Variants in CNBD1 observed in about 807,000 individuals in gnomAD.
CNBD1 encodes the protein cyclic nucleotide-binding domain-containing protein 1.
A neutral mutation model predicts 54.4 loss-of-function variants in CNBD1; 71 were observed. That is an observed-to-expected ratio of 1.30 (90% CI 1.08 to 1.59). The LOEUF (loss-of-function observed/expected upper bound fraction) is 1.59. Among genes scored for constraint, CNBD1 ranks in the 40% most tolerant of loss-of-function variants. The pLI, the probability that CNBD1 is intolerant of heterozygous loss-of-function variation, is 0.00. For missense variants in CNBD1, 659 were observed against 518.0 expected, an observed-to-expected ratio of 1.27 and a Z score of -2.64; for synonymous variants, 182 against 170.7, an observed-to-expected ratio of 1.07 and a Z score of -0.51.
At chr8:87,304,030 C>G (rs1431411818) in intron 8 of CNBD1, among the ~76,000 whole-genome samples, 2 of 152,098 alleles carry the variant, frequency 1.3e-5, no homozygotes, top group Non-Finnish European at 2.9e-5. Context: ...CACTTTTACA[C>G]ATTGGTGGGA....
Position 86,878,105 on chromosome 8 carries a change from T to TGTGTGTGTGTGAGA in CNBD1, c.89-9436_89-9435insTGTGTGTGTGAGAG, listed in dbSNP as rs56785226. Among the ~76,000 whole-genome samples, 1,280 of 140,888 alleles carry TGTGTGTGTGTGAGA rather than the reference T, an allele frequency of 9.1e-3. 8 individuals are homozygous for TGTGTGTGTGTGAGA. The highest frequency in any genetic ancestry group is 0.015 in the Non-Finnish European group (968 of 64,368). The allele number at this position is 140,888 out of a possible 152,430, so 92.4% of individuals were successfully genotyped here. On this transcript the variant is annotated intron_variant, in intron 1 of 10. Transcript: ENST00000518476. ...CTGTGTGTGTGTGTGTGTGTGTGTG[T>TGTGTGTGTGTGAGA]GAGAGAGAGAGAGAGAGAGAGAGAG...
chr8:87,387,824 C>T (rs563052452), downstream of CNBD1, among the ~76,000 whole-genome samples: 10 of 152,320 alleles, frequency 6.6e-5, no homozygotes, highest in Non-Finnish European at 1.2e-4. Context: ...CACCACACCA[C>T]ACCTATTCCA....
chr8:87,100,611 G>T (rs1004509153), intron 4 of CNBD1, among the ~76,000 whole-genome samples: 9 of 152,006 alleles, frequency 5.9e-5, no homozygotes, highest in Middle Eastern at 3.2e-3. Context: ...GAGTAGCTGG[G>T]GTTACAGGCA....
At chr8:87,383,241 T>C (rs1811119055), downstream of CNBD1, among the ~76,000 whole-genome samples, 2 of 152,086 alleles carry the variant, frequency 1.3e-5, no homozygotes, top group African/African-American at 4.8e-5. Flanking sequence ...ATAGAAATGC[T>C]ACAATTTCAG....
chr8:87,168,024 A>G (rs1813001448), intron 4 of CNBD1, among the ~76,000 whole-genome samples: 1 of 152,060 alleles, frequency 6.6e-6, no homozygotes, highest in Non-Finnish European at 1.5e-5. Flanking sequence ...GTATCTAAAC[A>G]TAGAAAAGAT....
intron 4 of CNBD1, among the ~76,000 whole-genome samples, chr8:87,093,640 A>C (rs1811261567): frequency 6.6e-6 from 1 of 152,164 alleles, no homozygotes; most frequent in Non-Finnish European, 1.5e-5. Context: ...ACTATTGCCT[A>C]GTCAAGTTGA....
intron 2 of CNBD1, among the ~76,000 whole-genome samples, chr8:87,406,475 CACA>C (rs1319365837): frequency 7.5e-5 from 8 of 106,546 alleles, no homozygotes; most frequent in African/African-American, 2.2e-4. Flanking sequence ...CACACACACA[CACA>C]CTTTTTTTTT....
intron 4 of CNBD1, among the ~76,000 whole-genome samples, chr8:87,067,704 A>G (rs2130647892): frequency 6.6e-6 from 1 of 152,102 alleles, no homozygotes; most frequent in Middle Eastern, 3.4e-3. Flanking sequence ...AAAATGACTG[A>G]ACAATGGCCA....
At chr8:87,272,043 A>C (rs9886463) in intron 6 of CNBD1, among the ~76,000 whole-genome samples, 42,732 of 151,858 alleles carry the variant, frequency 0.28, 6,455 homozygotes, top group African/African-American at 0.39. Flanking sequence ...GAAAGAGTGA[A>C]TCTCATAAAG....
chr8:86,889,176 A>G (rs910497169), intron 2 of CNBD1, among the ~76,000 whole-genome samples: 1 of 152,192 alleles, frequency 6.6e-6, no homozygotes, highest in Non-Finnish European at 1.5e-5. Flanking sequence ...GTATGTGTAT[A>G]TAGGTTTTGC....
intron 4 of CNBD1, among the ~76,000 whole-genome samples, chr8:87,193,017 G>T (rs576084313): frequency 1.3e-5 from 2 of 152,254 alleles, no homozygotes; most frequent in South Asian, 4.1e-4. Flanking sequence ...AATCTTATAT[G>T]TAGGAAGGAT....
chr8:87,293,484 A>G (rs190344554), intron 8 of CNBD1, among the ~76,000 whole-genome samples: 3 of 152,292 alleles, frequency 2.0e-5, no homozygotes, highest in Admixed American at 2.0e-4. Flanking sequence ...CTGAGGTTGC[A>G]GTGAGCCGAG....
intron 2 of CNBD1, among the ~76,000 whole-genome samples, chr8:86,890,215 C>G (rs1808747851): frequency 6.6e-6 from 1 of 152,036 alleles, no homozygotes; most frequent in African/African-American, 2.4e-5. Context: ...TTAATTGAAT[C>G]TTTATACCCT....
chr8:87,028,341 G>T (rs1205376188), intron 4 of CNBD1, among the ~76,000 whole-genome samples: 2 of 152,120 alleles, frequency 1.3e-5, no homozygotes, highest in Non-Finnish European at 2.9e-5. Flanking sequence ...GCCAAAATTG[G>T]GCAAGCAGCT....
At chr8:87,055,946 C>CCTTT (rs1810409334) in intron 4 of CNBD1, among the ~76,000 whole-genome samples, 1 of 128,460 alleles carries the variant, frequency 7.8e-6, no homozygotes, top group African/African-American at 2.9e-5. Flanking sequence ...TTCCTTCCTT[C>CCTTT]CAAAAACTTC....
intron 2 of CNBD1, among the ~76,000 whole-genome samples, chr8:86,888,148 C>A (rs890065895): frequency 6.6e-6 from 1 of 152,126 alleles, no homozygotes; most frequent in Non-Finnish European, 1.5e-5. Flanking sequence ...ACCCTCTTAC[C>A]TTCCTTCACT....
chr8:87,368,584 C>T (rs1448905187), intron 10 of CNBD1, among the ~76,000 whole-genome samples: 1 of 151,714 alleles, frequency 6.6e-6, no homozygotes, highest in South Asian at 2.1e-4. Context: ...CTGCAGTGAG[C>T]TATGATCAAG....
chr8:87,139,160 C>T (rs991689958), intron 4 of CNBD1, among the ~76,000 whole-genome samples: 16 of 152,070 alleles, frequency 1.1e-4, no homozygotes, highest in South Asian at 4.1e-4. Context: ...TTTCTTAGTT[C>T]TTTATTTTCA....
chr8:87,157,148 GATA>G (rs1347876422), intron 4 of CNBD1, among the ~76,000 whole-genome samples: 1 of 152,126 alleles, frequency 6.6e-6, no homozygotes, highest in East Asian at 1.9e-4. Context: ...CAAAAAACAA[GATA>G]ATATTGTAGT....
Sources: allele counts gnomAD v4.1 joint callset (sites outside exome capture counted in the v4.1 genomes callset), GRCh38; gene constraint gnomAD v4.1.1; transcripts MANE v1.5; gene names NCBI Gene and HGNC (gene_info 2026-07-23, HGNC 2026-07-21).